The following DPH6 variants were observed in gnomAD, a reference collection of about 807,000 sequenced individuals.
The protein encoded by DPH6 is diphthamine biosynthesis 6, also known as diphthine--ammonia ligase.
Under a neutral mutation model 38.2 loss-of-function variants are expected in DPH6, and 33 were observed. The observed-to-expected ratio is 0.86, with a 90% CI of 0.65 to 1.15. DPH6 has a LOEUF of 1.15. Ranked by LOEUF, DPH6 falls within the 50% of genes most tolerant of loss-of-function variation. The pLI, the probability that DPH6 is intolerant of heterozygous loss-of-function variation, is 0.00. For synonymous variants in DPH6, 108 were observed against 103.0 expected (o/e 1.05, Z -0.30); for missense variants, 325 against 320.0 (o/e 1.02, Z -0.12).
chr15:35,403,429 T>C (rs1566896991), intron 6 of DPH6, among the ~76,000 whole-genome samples: 1 of 152,102 alleles, frequency 6.6e-6, no homozygotes, highest in Non-Finnish European at 1.5e-5. Context: ...ACTTTTTTAG[T>C]TATTTAAAAA....
At chr15:35,359,721 G>T (rs947066476) in intron 3 of DPH6, among the ~76,000 whole-genome samples, 1 of 152,132 alleles carries the variant, frequency 6.6e-6, no homozygotes, top group South Asian at 2.1e-4. Flanking sequence ...AGTTTTGGGC[G>T]GGGGGACTCC....
At chr15:35,311,823 T>C (rs1250205204) in intron 3 of DPH6, among the ~76,000 whole-genome samples, 2 of 152,122 alleles carry the variant, frequency 1.3e-5, no homozygotes, top group African/African-American at 2.4e-5. Flanking sequence ...GCTGAAGATA[T>C]CCAAATTGAG....
At chr15:35,474,990 G>GA (rs1022606271) in intron 3 of DPH6, among the ~76,000 whole-genome samples, 23 of 151,376 alleles carry the variant, frequency 1.5e-4, no homozygotes, top group Admixed American at 1.1e-3. Flanking sequence ...AAAACAGCTG[G>GA]AAAAAAAAGC....
intron 5 of DPH6, among the ~76,000 whole-genome samples, chr15:35,438,755 C>T (rs1369788394): frequency 6.6e-6 from 1 of 152,130 alleles, no homozygotes; most frequent in East Asian, 1.9e-4. Flanking sequence ...AAGTGTGGTG[C>T]CCCTTTTAGT....
At chr15:35,355,923 A>C (rs1055784698) in intron 3 of DPH6, among the ~76,000 whole-genome samples, 2 of 152,138 alleles carry the variant, frequency 1.3e-5, no homozygotes, top group Non-Finnish European at 2.9e-5. Context: ...AGGTACACCA[A>C]CCAGATGTAG....
At chr15:35,149,639 C>T in the DPH6 span, among the ~76,000 whole-genome samples, 1 of 152,216 alleles carries the variant, frequency 6.6e-6, no homozygotes, top group Admixed American at 6.5e-5. Context: ...TCACTTCTGG[C>T]CTGGCTATCA....
intron 3 of DPH6, among the ~76,000 whole-genome samples, chr15:35,341,829 C>T (rs1198927446): frequency 6.6e-6 from 1 of 152,172 alleles, no homozygotes; most frequent in Non-Finnish European, 1.5e-5. Flanking sequence ...GGAGGTCTCA[C>T]CCAGTCAGTA....
intron 3 of DPH6, among the ~76,000 whole-genome samples, chr15:35,289,032 ACC>A (rs1261590260): frequency 6.6e-6 from 1 of 151,990 alleles, no homozygotes; most frequent in East Asian, 1.9e-4. Context: ...TTGTATTTTT[ACC>A]GACTGTTGGA....
At chr15:35,538,569 T>C (rs74746987) in intron 2 of DPH6, 102 bp from the exon 3 acceptor site, 3 of 1,005,332 alleles carry the variant, frequency 3.0e-6, no homozygotes, top group Non-Finnish European at 4.1e-6. Flanking sequence ...GACACAGAAC[T>C]TGAAAGCTTG....
intron 7 of DPH6, among the ~76,000 whole-genome samples, chr15:35,376,661 G>A (rs2052784831): frequency 6.6e-6 from 1 of 152,026 alleles, no homozygotes. Context: ...CATGTTAAGT[G>A]CCCTGTACAG....
chr15:35,446,620 G>A (rs2053857597), intron 5 of DPH6, among the ~76,000 whole-genome samples: 1 of 152,126 alleles, frequency 6.6e-6, no homozygotes, highest in African/African-American at 2.4e-5. Context: ...TGTGTTAATG[G>A]ACTGTTATGT....
exon 4 of DPH6, chr15:35,220,328 T>A (rs1186380684): frequency 6.6e-6 from 1 of 152,230 alleles, no homozygotes; most frequent in African/African-American, 2.4e-5. Flanking sequence ...TTTGGATTAG[T>A]GTAGTAGATT....
At chr15:35,341,277 G>GTTTTTTC (rs2052419677) in intron 3 of DPH6, among the ~76,000 whole-genome samples, 1 of 151,952 alleles carries the variant, frequency 6.6e-6, no homozygotes, top group Admixed American at 6.6e-5. Flanking sequence ...CTCCTGTACT[G>GTTTTTTC]TTTTTTCATT....
At position 35,295,859 on chromosome 15, in the gene DPH6, A is replaced by AT. The variant is rs200155730; in HGVS notation, n.201-75278dup. On this transcript the variant is annotated intron_variant and non_coding_transcript_variant, in intron 3 of 3. Transcript: ENST00000560386. ...TTCATAATTTTTTCAATTACATATT[A>AT]TGTATGCATTGTGCATATTGAGTTG... is the stretch of plus-strand genomic sequence containing the variant. 4.0e-3 allele frequency among the ~76,000 whole-genome samples: 611 copies of AT among 152,268 alleles called. 11 individuals carry two copies. The highest frequency in any genetic ancestry group is 0.014 in the African/African-American group (581 of 41,548).
the DPH6 span, among the ~76,000 whole-genome samples, chr15:35,194,149 C>T: frequency 6.6e-6 from 1 of 152,122 alleles, no homozygotes; most frequent in South Asian, 2.1e-4. Context: ...CTTTTTAATG[C>T]TGCCCTCTAG....
the DPH6 span, among the ~76,000 whole-genome samples, chr15:35,194,562 T>C: frequency 6.6e-6 from 1 of 152,186 alleles, no homozygotes. Flanking sequence ...TAATAACCTA[T>C]TTTTCTGGTC....
intron 5 of DPH6, among the ~76,000 whole-genome samples, chr15:35,420,560 G>A (rs768488364): frequency 3.6e-4 from 54 of 151,790 alleles, no homozygotes; most frequent in Admixed American, 5.2e-4. Context: ...TCTGTTGCCC[G>A]GGCTGGAGTG....
intron 3 of DPH6, chr15:35,489,972 T>C: frequency 1.0e-6 from 1 of 984,392 alleles, no homozygotes; most frequent in Non-Finnish European, 1.2e-6. Context: ...AACAAAACTA[T>C]TTAATATGCA....
chr15:35,534,906 AAGG>A (rs2055145887), intron 3 of DPH6, among the ~76,000 whole-genome samples: 1 of 152,228 alleles, frequency 6.6e-6, no homozygotes, highest in African/African-American at 2.4e-5. Context: ...CTCTGCACAG[AAGG>A]AGAAGAGCTT....
Sources: gnomAD v4.1 joint callset for allele counts (sites outside exome capture counted in the v4.1 genomes callset) on GRCh38, gnomAD v4.1.1 for gene constraint, MANE v1.5 for transcripts, NCBI Gene and HGNC (gene_info 2026-07-23, HGNC 2026-07-21) for gene names.